The following KIAA0513 variants were observed in gnomAD, a reference collection of about 807,000 sequenced individuals.
KIAA0513 encodes the protein uncharacterized protein KIAA0513.
Under a neutral mutation model 56.5 loss-of-function variants are expected in KIAA0513, and 39 were observed. The observed-to-expected ratio is 0.69, with a 90% confidence interval of 0.53 to 0.90. The LOEUF (loss-of-function observed/expected upper bound fraction) is 0.90. Among genes scored for constraint, KIAA0513 ranks in the 40% least tolerant of loss-of-function variants. The probability of loss-of-function intolerance (pLI) is 0.00; values close to 1 mark genes in which losing one functional copy is unlikely to be tolerated. For synonymous variants in KIAA0513, 268 were observed against 215.6 expected, an observed-to-expected ratio of 1.24 and a Z score of -2.13; for missense variants, 591 against 535.2, an observed-to-expected ratio of 1.10 and a Z score of -1.03.
At chr16:85,032,732 A>G (rs9930156) in intron 1 of KIAA0513, among the ~76,000 whole-genome samples, 15,169 of 149,542 alleles carry the variant, frequency 0.1, 1,386 homozygotes, top group African/African-American at 0.23. Context: ...CCGGGTTCAC[A>G]CCATCCTCCT....
At chr16:85,038,536 A>G (rs532255396) in intron 1 of KIAA0513, among the ~76,000 whole-genome samples, 1 of 151,968 alleles carries the variant, frequency 6.6e-6, no homozygotes, top group East Asian at 1.9e-4. Flanking sequence ...GTGAAACTCC[A>G]TGTCTACTAA....
At chr16:85,038,737 A>G (rs1259771183) in intron 1 of KIAA0513, among the ~76,000 whole-genome samples, 1 of 146,780 alleles carries the variant, frequency 6.8e-6, no homozygotes, top group Non-Finnish European at 1.5e-5. Flanking sequence ...TAATAATAAT[A>G]TCTTTGTTGA....
intron 1 of KIAA0513, among the ~76,000 whole-genome samples, chr16:85,062,571 C>T (rs1286051292): frequency 6.6e-6 from 1 of 152,152 alleles, no homozygotes; most frequent in African/African-American, 2.4e-5. Context: ...CTCAGTACCT[C>T]CTTGAATGTA....
At position 85,076,660 on chromosome 16, in the gene KIAA0513, C is replaced by T. The variant is rs1372713932; in HGVS notation, c.574+746C>T. 6.6e-6 allele frequency among the ~76,000 whole-genome samples: 1 copy of T among 152,174 alleles called. No individual in the cohort carries two copies. The highest frequency in any genetic ancestry group is 2.4e-5 in the African/African-American group (1 of 41,440). On this transcript the variant is annotated intron_variant, in intron 5 of 12. Coordinates refer to ENST00000683363, the MANE Select transcript of KIAA0513 (RefSeq NM_001388359.1). This position sits in a 1 kb window ranked among gnomAD's most constrained non-coding sequence, Gnocchi z 4.7. Reference sequence around the variant, plus strand: ...CCTCCCCCTCCCACAGCCATCCTCTCCGCACCCCTCAGTTCAGTTGGTCCA... The same window carrying T: ...CCTCCCCCTCCCACAGCCATCCTCTTCGCACCCCTCAGTTCAGTTGGTCCA...
intron 1 of KIAA0513, among the ~76,000 whole-genome samples, chr16:85,043,152 G>T (rs1436636177): frequency 6.6e-6 from 1 of 152,100 alleles, no homozygotes; most frequent in African/African-American, 2.4e-5. Flanking sequence ...AATTTTGATA[G>T]GTACAGTAGC....
Position 85,086,632 on chromosome 16 carries a change from C to T in KIAA0513, c.1011-12C>T. The T allele has an allele frequency of 6.2e-7, 1 of 1,613,008 alleles. No homozygotes were observed. The highest frequency in any genetic ancestry group is 1.1e-5 in the South Asian group (1 of 90,920). ...ATCTGAGCCCCGCTTCTGTCACCTC[C>T]TGTGCTTGCAGGGAGAAGTGGTGCC... On this transcript the variant is annotated splice_polypyrimidine_tract_variant and intron_variant, in intron 10 of 12. Transcript: ENST00000683363.
At chr16:85,086,884 C>G (rs1278521181) in intron 11 of KIAA0513, 160 bp downstream of exon 11, 1 of 835,786 alleles carries the variant, frequency 1.2e-6, no homozygotes. Context: ...AATCCGCCTC[C>G]TACACGACCC....
At chr16:85,037,844 C>T (rs1023568806) in intron 1 of KIAA0513, among the ~76,000 whole-genome samples, 2 of 152,188 alleles carry the variant, frequency 1.3e-5, no homozygotes, top group African/African-American at 4.8e-5. Flanking sequence ...CTCTCTCCCT[C>T]CTCCAGGGAA....
rs546709644 is a variant in KIAA0513 at position 85,071,765 on chromosome 16, CTTT to C, written c.330-5_330-3del. The C allele has an allele frequency of 9.9e-4, 1,182 of 1,199,008 alleles. No individual in the cohort carries two copies. The highest frequency in any genetic ancestry group is 1.0e-3 in the Non-Finnish European group (926 of 883,492). The allele number at this position is 1,199,008 out of a possible 1,614,324, so 74.3% of individuals were successfully genotyped here. The stretch of plus-strand genomic sequence containing the variant: ...GGGTTTTTTTTTTTTTTCCTCTGCT[CTTT>C]TTTTTTTTTTTTAGGGAGGACTTGG... On this transcript the variant is annotated splice_polypyrimidine_tract_variant and intron_variant, in intron 2 of 12. Transcript: ENST00000683363.
At chr16:85,057,262 G>A (rs9940034) in intron 1 of KIAA0513, among the ~76,000 whole-genome samples, 11,533 of 152,190 alleles carry the variant, frequency 0.076, 1,398 homozygotes, top group African/African-American at 0.25. Flanking sequence ...GCATTTTATT[G>A]ATCAAAAGAC....
In KIAA0513 at chr16:85,067,041, C is replaced by T. The variant is rs2073492851; in HGVS notation, c.-31C>T. ...GCTCCCCTCTAGGCAGCCTCCCCTC[C>T]AGGCAGCCTCACCAGCAGCTCCCCT... is the stretch of plus-strand genomic sequence containing the variant. On this transcript the variant is annotated 5_prime_UTR_variant, in exon 2 of 13. Transcript: ENST00000683363. The T allele has an allele frequency of 6.6e-7, 1 of 1,513,476 alleles. No homozygotes were observed. Among genetic ancestry groups the T allele is most frequent in the Non-Finnish European group, 8.8e-7 (1 of 1,131,920 alleles). The allele number at this position is 1,513,476 out of a possible 1,614,324, so 93.8% of individuals were successfully genotyped here.
At chr16:85,083,216 A>G (rs1031003613) in intron 10 of KIAA0513, among the ~76,000 whole-genome samples, 1 of 152,196 alleles carries the variant, frequency 6.6e-6, no homozygotes, top group Non-Finnish European at 1.5e-5. Flanking sequence ...GTTTCCTGCC[A>G]GCCCACAGAG....
chr16:85,071,604 A>G (rs2073574601), intron 2 of KIAA0513, among the ~76,000 whole-genome samples, 179 bp from the exon 3 acceptor site: 1 of 152,154 alleles, frequency 6.6e-6, no homozygotes, highest in Non-Finnish European at 1.5e-5. Flanking sequence ...CTTTGAAATA[A>G]TAGTAACACC....
chr16:85,033,147 G>T (rs575878974), intron 1 of KIAA0513, among the ~76,000 whole-genome samples: 2 of 152,282 alleles, frequency 1.3e-5, no homozygotes, highest in Non-Finnish European at 2.9e-5. Context: ...AAGCATTCAT[G>T]ATCCTTATGA....
At position 85,081,174 on chromosome 16, in the gene KIAA0513, T is replaced by C; in HGVS notation, c.903-141T>C. ...ATCAAGCCATATGCTCAGTTTTTCC[T>C]TCTCAGCCCTACCTCTCTGAGACTT... is the stretch of plus-strand genomic sequence containing the variant. On this transcript the variant is annotated intron_variant, in intron 8 of 12. Coordinates refer to ENST00000683363, the MANE Select transcript of KIAA0513 (RefSeq NM_001388359.1). The surrounding 1 kb of genome is among the most constrained non-coding windows in gnomAD (Gnocchi z 4.4). The C allele has an allele frequency of 1.3e-6, 1 of 744,096 alleles. No homozygotes were observed. The highest frequency in any genetic ancestry group is 2.3e-6 in the Non-Finnish European group (1 of 428,822). The allele number at this position is 744,096 out of a possible 1,614,324, so 46.1% of individuals were successfully genotyped here. A position where few individuals can be genotyped will look rare whatever the true frequency, so the allele number is the denominator to read the frequency against.
intron 1 of KIAA0513, among the ~76,000 whole-genome samples, chr16:85,053,960 C>G (rs1448291098): frequency 1.4e-5 from 2 of 148,132 alleles, no homozygotes; most frequent in African/African-American, 5.0e-5. Flanking sequence ...CCACTGCACT[C>G]CAGCCTGGCG....
intron 1 of KIAA0513, among the ~76,000 whole-genome samples, chr16:85,030,357 TG>T (rs1280161368): frequency 2.6e-5 from 4 of 152,182 alleles, no homozygotes; most frequent in Non-Finnish European, 5.9e-5. Flanking sequence ...ATGCGGTGGT[TG>T]TGAAACCAAG....
At position 85,072,477 on chromosome 16, in the gene KIAA0513, C is replaced by CT. The variant is rs141944895; in HGVS notation, c.430-436dup. Among the ~76,000 whole-genome samples, 1,271 of 145,540 alleles carry CT rather than the reference C, an allele frequency of 8.7e-3. 6 individuals carry two copies. Among genetic ancestry groups the CT allele is most frequent in the Non-Finnish European group, 9.0e-3 (598 of 66,128 alleles). On this transcript the variant is annotated intron_variant, in intron 3 of 12. Coordinates refer to ENST00000683363, the MANE Select transcript of KIAA0513 (RefSeq NM_001388359.1). ...AAATTTTGTAAATATCCAATAGGTT[C>CT]TTTTTTTTTTTTCCTGAGTGGCCTA...
intron 1 of KIAA0513, among the ~76,000 whole-genome samples, chr16:85,046,242 C>CA (rs1297799619): frequency 1.3e-5 from 2 of 152,236 alleles, no homozygotes; most frequent in African/African-American, 2.4e-5. Flanking sequence ...ATCTTTCACA[C>CA]ATGGCTATTC....
Sources: allele counts gnomAD v4.1 joint callset (sites outside exome capture counted in the v4.1 genomes callset), GRCh38; gene constraint gnomAD v4.1.1; non-coding constraint Gnocchi (gnomAD v3.1); transcripts MANE v1.5; gene names NCBI Gene and HGNC (gene_info 2026-07-23, HGNC 2026-07-21).